The following COL23A1 variants were observed in gnomAD, a reference collection of about 807,000 sequenced individuals.
COL23A1 encodes collagen alpha-1(XXIII) chain.
Under a neutral mutation model 99.3 loss-of-function variants are expected in COL23A1, and 97 were observed. The observed-to-expected ratio is 0.98, with a 90% CI of 0.83 to 1.16. The LOEUF (loss-of-function observed/expected upper bound fraction) is 1.16, where lower values mean the gene tolerates loss of function less well. COL23A1 is among the 50% of genes most tolerant of loss of function. The probability of loss-of-function intolerance (pLI) is 0.00; values close to 1 mark genes in which losing one functional copy is unlikely to be tolerated. For synonymous variants in COL23A1, 320 were observed against 308.2 expected (o/e 1.04, Z -0.40); for missense variants, 762 against 757.4 (o/e 1.01, Z -0.07).
At chr5:178,559,550 A>G (rs1762451005) in intron 2 of COL23A1, among the ~76,000 whole-genome samples, 1 of 141,204 alleles carries the variant, frequency 7.1e-6, no homozygotes, top group African/African-American at 2.8e-5. Context: ...CTTTCCCTGC[A>G]CGTCGAGAAG....
At chr5:178,262,335 TG>T in intron 9 of COL23A1, 83 bp from the exon 10 acceptor site, 1 of 1,362,338 alleles carries the variant, frequency 7.3e-7, no homozygotes, top group Admixed American at 2.0e-5. Flanking sequence ...GACCCCGGGC[TG>T]GGGCTCTAAG....
chr5:178,251,925 T>TTTTTTTTTTTTA (rs1554125608), intron 17 of COL23A1, among the ~76,000 whole-genome samples: 29 of 142,748 alleles, frequency 2.0e-4, no homozygotes, highest in Non-Finnish European at 2.9e-4. Flanking sequence ...TTTTTTTTTT[T>TTTTTTTTTTTTA]ATTTTGAGAC....
At chr5:178,448,866 C>T (rs1310577776) in intron 2 of COL23A1, among the ~76,000 whole-genome samples, 2 of 151,940 alleles carry the variant, frequency 1.3e-5, no homozygotes, top group African/African-American at 4.8e-5. Context: ...TCTGCTTGCA[C>T]CTTGATCTTG....
intron 2 of COL23A1, among the ~76,000 whole-genome samples, chr5:178,515,114 T>A (rs904723431): frequency 6.6e-6 from 1 of 152,372 alleles, no homozygotes; most frequent in African/African-American, 2.4e-5. Flanking sequence ...GGGAGGCAGC[T>A]GAGCTGCAGA....
chr5:178,241,734 G>A (rs536524040), intron 27 of COL23A1, among the ~76,000 whole-genome samples: 1 of 152,356 alleles, frequency 6.6e-6, no homozygotes, highest in South Asian at 2.1e-4. Context: ...GCCCAAGATG[G>A]CCCACAGTGG....
At chr5:178,403,599 C>A (rs1464591768) in intron 2 of COL23A1, among the ~76,000 whole-genome samples, 3 of 152,232 alleles carry the variant, frequency 2.0e-5, no homozygotes, top group Non-Finnish European at 4.4e-5. Flanking sequence ...ACGCCACTTC[C>A]AGGCAAAAGG....
intron 3 of COL23A1, among the ~76,000 whole-genome samples, chr5:178,293,483 T>C (rs1253353991): frequency 5.3e-5 from 8 of 152,028 alleles, no homozygotes; most frequent in African/African-American, 1.9e-4. Context: ...CAGGAGGTGT[T>C]CGGGGACTGA....
At chr5:178,364,213 G>A (rs756172672) in intron 2 of COL23A1, among the ~76,000 whole-genome samples, 9 of 152,020 alleles carry the variant, frequency 5.9e-5, no homozygotes, top group Admixed American at 1.3e-4. Flanking sequence ...CCTCCCTCCC[G>A]CCTAAGCCCA....
intron 2 of COL23A1, among the ~76,000 whole-genome samples, chr5:178,358,425 GTA>G (rs1207460651): frequency 5.7e-5 from 8 of 139,486 alleles, no homozygotes; most frequent in African/African-American, 1.3e-4. Context: ...GTATGTGTGT[GTA>G]TGTGTATGTG....
At chr5:178,546,881 C>A (rs1761609803) in intron 2 of COL23A1, among the ~76,000 whole-genome samples, 2 of 152,122 alleles carry the variant, frequency 1.3e-5, no homozygotes, top group South Asian at 4.1e-4. Context: ...GCCAGGGGCA[C>A]CCGAGCTGTG....
At chr5:178,282,052 CAAA>C (rs70994994) in intron 5 of COL23A1, among the ~76,000 whole-genome samples, 4 of 98,680 alleles carry the variant, frequency 4.1e-5, no homozygotes, top group Admixed American at 1.1e-4. Flanking sequence ...ACACTGTCTC[CAAA>C]AAAAAAAAAA....
At chr5:178,302,152 T>C (rs1331804925) in intron 3 of COL23A1, among the ~76,000 whole-genome samples, 2 of 113,286 alleles carry the variant, frequency 1.8e-5, no homozygotes, top group East Asian at 4.6e-4. Flanking sequence ...CACCTGTGTG[T>C]GCGCCGGAGC....
chr5:178,321,319 C>T (rs1465721921), intron 2 of COL23A1, among the ~76,000 whole-genome samples: 1 of 152,110 alleles, frequency 6.6e-6, no homozygotes, highest in African/African-American at 2.4e-5. Context: ...CCCATGGCTA[C>T]TAGCAACCAC....
At chr5:178,405,339 C>G (rs895625772) in intron 2 of COL23A1, among the ~76,000 whole-genome samples, 1 of 152,238 alleles carries the variant, frequency 6.6e-6, no homozygotes, top group African/African-American at 2.4e-5. Context: ...TAGCTCTGTC[C>G]TCGTTTACAT....
chr5:178,257,736 C>T (rs1361781043), intron 12 of COL23A1, among the ~76,000 whole-genome samples, 169 bp from the exon 13 acceptor site: 1 of 152,246 alleles, frequency 6.6e-6, no homozygotes, highest in African/African-American at 2.4e-5. Context: ...GGTGTGGGGT[C>T]AGACCCATCT....
chr5:178,536,115 C>T (rs550486049), intron 2 of COL23A1, among the ~76,000 whole-genome samples: 6 of 152,368 alleles, frequency 3.9e-5, no homozygotes, highest in Non-Finnish European at 5.9e-5. Context: ...GCAGCCACTA[C>T]GGAGGATGGG....
At chr5:178,353,296 GAAA>G (rs1761433941) in intron 2 of COL23A1, among the ~76,000 whole-genome samples, 1 of 152,060 alleles carries the variant, frequency 6.6e-6, no homozygotes, top group Non-Finnish European at 1.5e-5. Flanking sequence ...TCTGATTTGA[GAAA>G]GGCCCTTTAT....
chr5:178,269,815 C>A (rs941256221), intron 6 of COL23A1, among the ~76,000 whole-genome samples: 1 of 151,970 alleles, frequency 6.6e-6, no homozygotes, highest in Non-Finnish European at 1.5e-5. Context: ...ATCCATCCAT[C>A]CATCCATCTA....
chr5:178,469,554 G>C (rs987095078), intron 2 of COL23A1, among the ~76,000 whole-genome samples: 2 of 152,136 alleles, frequency 1.3e-5, no homozygotes, highest in African/African-American at 4.8e-5. Context: ...TCTGTAGCTG[G>C]GGCCCCGGGG....
Sources: allele counts gnomAD v4.1 joint callset (sites outside exome capture counted in the v4.1 genomes callset), GRCh38; gene constraint gnomAD v4.1.1; transcripts MANE v1.5; gene names NCBI Gene and HGNC (gene_info 2026-07-23, HGNC 2026-07-21).